Variants in SIGLEC1 observed in about 807,000 individuals in gnomAD.
SIGLEC1 encodes the protein sialoadhesin.
Under a neutral mutation model 148.0 loss-of-function variants are expected in SIGLEC1, and 132 were observed. The observed-to-expected ratio is 0.89, with a 90% CI of 0.77 to 1.03. SIGLEC1 has a LOEUF of 1.03. Among genes scored for constraint, SIGLEC1 ranks in the 50% least tolerant of loss-of-function variants. The pLI is 0.00. For missense variants in SIGLEC1, 2,253 were observed against 2,271.4 expected, an observed-to-expected ratio of 0.99 and a Z score of 0.16; for synonymous variants, 945 against 969.0, an observed-to-expected ratio of 0.98 and a Z score of 0.46.
In SIGLEC1 at chr20:3,693,630, C is replaced by T. The variant is rs748962316; in HGVS notation, c.3325G>A (p.Val1109Met). ...EGQLVNLTCL[V>M]WTTHPAQLTY... ...AGCTGGGCCGGGTGAGTGGTCCACA[C>T]AAGGCAGGTCAGGTTCACCAGCTGC... Residue 1109 changes from valine (V) to methionine (M), a missense_variant, in exon 14 of 22, where the codon GTG becomes ATG. Coordinates refer to ENST00000344754, the MANE Select transcript of SIGLEC1 (RefSeq NM_023068.4). The T allele has an allele frequency of 6.2e-6, 10 of 1,612,036 alleles. No individual in the cohort carries two copies. Among genetic ancestry groups the T allele is most frequent in the Admixed American group, 3.3e-5 (2 of 59,954 alleles).
chr20:3,694,252 C>T lies in SIGLEC1; in HGVS notation c.3225G>A (p.Gln1075=), dbSNP rs1302250822. 1 of 1,612,098 alleles carries T rather than the reference C, an allele frequency of 6.2e-7. No homozygotes were observed. Among genetic ancestry groups the T allele is most frequent in the African/African-American group, 1.3e-5 (1 of 74,794 alleles). ...YICEASNTLG[Q]ASASADFDAQ... is the part of the protein sequence containing the mutation. The stretch of plus-strand genomic sequence containing the variant: ...CGTCGAAGTCAGCTGAGGCCGAGGC[C>T]TGGCCCAGGGTGTTGGAGGCCTCAC... The change falls in exon 13 of 22, where the codon CAG becomes CAA. Residue 1075 remains glutamine (Q), a synonymous_variant. Transcript: ENST00000344754.
At chr20:3,703,538 C>T in intron 5 of SIGLEC1, 87 bp from the exon 6 acceptor site, 3 of 1,486,128 alleles carry the variant, frequency 2.0e-6, no homozygotes, top group Non-Finnish European at 2.7e-6. Flanking sequence ...AGCCAATCAG[C>T]CTCAATCTCT....
chr20:3,689,293 C>A (rs545558804), intron 20 of SIGLEC1, 66 bp from the exon 21 acceptor site: 3 of 1,383,272 alleles, frequency 2.2e-6, no homozygotes, highest in Non-Finnish European at 3.1e-6. Context: ...ATTCCTCTCC[C>A]GCTCCCCACA....
At chr20:3,699,515 C>T in intron 7 of SIGLEC1, 56 bp from the exon 8 acceptor site, 1 of 1,556,884 alleles carries the variant, frequency 6.4e-7, no homozygotes, top group Non-Finnish European at 8.7e-7. Context: ...CACATGCTGC[C>T]CTATATAGAA....
intron 4 of SIGLEC1, among the ~76,000 whole-genome samples, 160 bp downstream of exon 4, chr20:3,705,584 C>T (rs979667903): frequency 1.3e-5 from 2 of 152,208 alleles, no homozygotes; most frequent in African/African-American, 4.8e-5. Context: ...GTCCTTGGGG[C>T]TCAGCAGTGT....
Position 3,696,682 on chromosome 20 carries a change from C to A in SIGLEC1, c.2587G>T (p.Val863Phe). 1.2e-6 allele frequency: 2 copies of A among 1,613,826 alleles called. No individual in the cohort carries two copies. Among genetic ancestry groups the A allele is most frequent in the Middle Eastern group, 1.7e-4 (1 of 6,060 alleles). The change falls in exon 11 of 22, where the codon GTC becomes TTC. Residue 863 changes from valine (V) to phenylalanine (F), a missense_variant. Physicochemically the swap from Val to Phe is conservative, Grantham distance 50. Coordinates refer to ENST00000344754, the MANE Select transcript of SIGLEC1 (RefSeq NM_023068.4). ...GAGTCCCCAAGGCCCAGTTCTCGGACCTCTAACTTCAGGGAGTTGGCCTCA... is the reference window on the plus strand; with the variant it reads ...GAGTCCCCAAGGCCCAGTTCTCGGAACTCTAACTTCAGGGAGTTGGCCTCA... ...KAEANSLKLE[V>F]RELGLGDSGS...
In SIGLEC1 at chr20:3,701,395, G is replaced by A. The variant is rs755822256; in HGVS notation, c.1475C>T (p.Ser492Leu). ...TGCATTTCCAAGGGAGTTGGTGGCT[G>A]AGCACTTGTACTCCCCACTGTCAGT... ...EETDSGEYKC[S>L]ATNSLGNATS... The change falls in exon 7 of 22, where the codon TCA (serine) becomes TTA (leucine). Residue 492 changes from serine (S) to leucine (L), a missense_variant. Transcript: ENST00000344754. The A allele has an allele frequency of 5.6e-6, 9 of 1,613,908 alleles. No individual in the cohort carries two copies. Among genetic ancestry groups the A allele is most frequent in the South Asian group, 5.5e-5 (5 of 91,080 alleles).
chr20:3,707,006 T>C, intron 2 of SIGLEC1, 74 bp downstream of exon 2: 2 of 1,464,630 alleles, frequency 1.4e-6, no homozygotes, highest in East Asian at 2.3e-5. Flanking sequence ...GACCCAGGCA[T>C]AGTCTAATCT....
At chr20:3,690,416 A>T (rs2088747135) in intron 18 of SIGLEC1, 152 bp from the exon 19 acceptor site, 1 of 682,422 alleles carries the variant, frequency 1.5e-6, no homozygotes, top group Admixed American at 2.9e-5. Flanking sequence ...TGACCAATTG[A>T]AGAAAGAAGT....
In SIGLEC1 at chr20:3,706,374, C is replaced by T. The variant is rs2087894188; in HGVS notation, c.382G>A (p.Val128Met). ...EISEVNRWSD[V>M]KGTLVTVTEE... ...GTTACTGTGACCAAGGTGCCTTTCA[C>T]ATCTGACCAGCGGTTGACCTCACTG... is the stretch of plus-strand genomic sequence containing the variant. The change falls in exon 3 of 22, where the codon GTG (valine) becomes ATG (methionine). Residue 128 changes from valine to methionine, a missense_variant. Transcript: ENST00000344754. The T allele has an allele frequency of 3.1e-6, 5 of 1,613,300 alleles. No individual in the cohort carries two copies. Among genetic ancestry groups the T allele is most frequent in the Non-Finnish European group, 4.2e-6 (5 of 1,179,626 alleles).
chr20:3,698,740 T>C (rs2087825610), intron 8 of SIGLEC1, among the ~76,000 whole-genome samples: 1 of 152,226 alleles, frequency 6.6e-6, no homozygotes, highest in Non-Finnish European at 1.5e-5. Flanking sequence ...GGCACACATG[T>C]GTCAGGGGAA....
chr20:3,705,900 C>T lies in SIGLEC1; in HGVS notation c.550G>A (p.Val184Ile), dbSNP rs745363598. The T allele has an allele frequency of 3.1e-6, 5 of 1,614,184 alleles. No individual in the cohort carries two copies. The Admixed American group carries it at 6.7e-5, about 22-fold the overall frequency. Residue 184 changes from valine to isoleucine, a missense_variant, in exon 4 of 22, where the codon GTC becomes ATC. Coordinates refer to ENST00000344754, the MANE Select transcript of SIGLEC1 (RefSeq NM_023068.4). Reference protein sequence around the residue: ...QWQGQDPARSVTFNSQKFEPT... With the variant: ...QWQGQDPARSITFNSQKFEPT... ...TCAAACTTCTGGCTGTTGAAGGTGA[C>T]AGAGCGAGCAGGGTCCTGGCCTTGC...
Position 3,692,773 on chromosome 20 carries a change from C to A in SIGLEC1, c.3779-1G>T. 3 of 1,608,336 alleles carry A rather than the reference C, an allele frequency of 1.9e-6. No individual in the cohort carries two copies. The highest frequency in any genetic ancestry group is 2.5e-6 in the Non-Finnish European group (3 of 1,177,874). On this transcript the variant is annotated splice_acceptor_variant, in intron 15 of 21. Coordinates refer to ENST00000344754, the MANE Select transcript of SIGLEC1 (RefSeq NM_023068.4). LOFTEE classifies it high-confidence loss of function. ...TCCGGAGCCAGGATCACCCGCACAC[C>A]TGTGCCAAGGAGGCCAGGATCAGCC... is the stretch of plus-strand genomic sequence containing the variant.
At chr20:3,699,085 G>C in intron 8 of SIGLEC1, 117 bp downstream of exon 8, 1 of 1,246,828 alleles carries the variant, frequency 8.0e-7, no homozygotes, top group South Asian at 1.4e-5. Flanking sequence ...CCAGGTCTGT[G>C]ACCCAGCCCT....
chr20:3,694,614 G>C (rs1023623740), intron 12 of SIGLEC1, 49 bp downstream of exon 12: 3 of 1,580,212 alleles, frequency 1.9e-6, no homozygotes, highest in Non-Finnish European at 8.6e-7. Flanking sequence ...GCCCAGGACT[G>C]GGGGACTGCA....
intron 5 of SIGLEC1, 122 bp downstream of exon 5, chr20:3,703,703 G>T: frequency 7.5e-7 from 1 of 1,333,780 alleles, no homozygotes; most frequent in Non-Finnish European, 1.0e-6. Context: ...CTCCACACCT[G>T]CATCCAGGAA....
Position 3,694,736 on chromosome 20 carries a change from G to A in SIGLEC1, c.2871C>T (p.Ala957=), listed in dbSNP as rs376949920. ...FAAITLTQAG[A]YHCQAQAPGS... is the part of the protein sequence containing the mutation. ...CTGGGGCCTGGGCTTGGCAATGATA[G>A]GCCCCAGCTTGTGTCAAAGTTATGG... The change falls in exon 12 of 22, where the codon GCC becomes GCT. Residue 957 remains alanine, a synonymous_variant. Coordinates refer to ENST00000344754, the MANE Select transcript of SIGLEC1 (RefSeq NM_023068.4). The A allele has an allele frequency of 2.5e-6, 4 of 1,613,850 alleles. No individual in the cohort carries two copies. Among genetic ancestry groups the A allele is most frequent in the South Asian group, 1.1e-5 (1 of 91,086 alleles).
chr20:3,688,609 G>T lies in SIGLEC1; in HGVS notation c.5081C>A (p.Pro1694His). 1 of 1,598,876 alleles carries T rather than the reference G, an allele frequency of 6.3e-7. No homozygotes were observed. The highest frequency in any genetic ancestry group is 1.1e-5 in the South Asian group (1 of 88,224). ...FQKETTQLID[P>H]DAATCETSTC... ...TGAGGTCTCACATGTGGCTGCATCA[G>T]GATCAATGAGCTTCCCACAGAGAAA... Residue 1694 changes from proline to histidine, a missense_variant, in exon 22 of 22, where the codon CCT becomes CAT. Physicochemically the swap from Pro to His is moderately conservative, Grantham distance 77. Coordinates refer to ENST00000344754, the MANE Select transcript of SIGLEC1 (RefSeq NM_023068.4).
At chr20:3,706,171 A>T in intron 3 of SIGLEC1, 131 bp from the exon 4 acceptor site, 1 of 1,281,252 alleles carries the variant, frequency 7.8e-7, no homozygotes, top group South Asian at 1.4e-5. Flanking sequence ...TTTCTACTCC[A>T]GCCCCACTTG....
Sources: gnomAD v4.1 joint callset for allele counts (sites outside exome capture counted in the v4.1 genomes callset) on GRCh38, gnomAD v4.1.1 for gene constraint, MANE v1.5 for transcripts, NCBI Gene and HGNC (gene_info 2026-07-23, HGNC 2026-07-21) for gene names.